The following LMNTD1 variants were observed in gnomAD, a reference collection of about 807,000 sequenced individuals.
The protein encoded by LMNTD1 is lamin tail domain containing 1, also known as lamin tail domain-containing protein 1.
In LMNTD1, 35 loss-of-function variants were observed where a neutral mutation model predicts 50.9. The ratio of observed to expected loss-of-function variants is 0.69; its 90% CI spans 0.53 to 0.91. LMNTD1 has a LOEUF of 0.91. Among genes scored for constraint, LMNTD1 ranks in the 40% least tolerant of loss-of-function variants. LMNTD1 has a pLI of 0.00. For missense variants in LMNTD1, 470 were observed against 475.5 expected, an observed-to-expected ratio of 0.99 and a Z score of 0.11; for synonymous variants, 153 against 161.9, an observed-to-expected ratio of 0.94 and a Z score of 0.42.
chr12:25,503,772 T>C lies in LMNTD1; in HGVS notation c.1218A>G (p.Ser406=), dbSNP rs78120781. The change falls in exon 9 of 10, where the codon TCA becomes TCG. Residue 406 remains serine (S), a synonymous_variant. Transcript: ENST00000458174. ...SGSKKKKTSE[S]QKQ ...TTGAGTTGACTGCTTATTGCTTTTG[T>C]GACTCAGATGTCTTCTTTTTCTTAG... 0.053 allele frequency: 83,686 copies of C among 1,582,434 alleles called. 2,404 individuals carry two copies. The highest frequency in any genetic ancestry group is 0.067 in the Middle Eastern group (365 of 5,412).
At chr12:25,591,383 C>T (rs1346753405) in intron 1 of LMNTD1, among the ~76,000 whole-genome samples, 1 of 152,168 alleles carries the variant, frequency 6.6e-6, no homozygotes. Context: ...TCCATGTGGG[C>T]CTGTGGTGGT....
intron 1 of LMNTD1, among the ~76,000 whole-genome samples, chr12:25,574,861 C>T (rs1049682289): frequency 6.6e-6 from 1 of 152,132 alleles, no homozygotes; most frequent in African/African-American, 2.4e-5. Context: ...AGCTTTGGTA[C>T]AATCTCTACT....
chr12:25,488,617 C>T (rs1210443906), intron 9 of LMNTD1, among the ~76,000 whole-genome samples: 1 of 151,338 alleles, frequency 6.6e-6, no homozygotes, highest in Non-Finnish European at 1.5e-5. Flanking sequence ...TCGTCTGAAG[C>T]CTTCTTCTCT....
intron 1 of LMNTD1, among the ~76,000 whole-genome samples, chr12:25,608,408 A>T (rs1946165704): frequency 1.3e-5 from 2 of 152,096 alleles, no homozygotes; most frequent in South Asian, 4.1e-4. Context: ...CGGTTACTTT[A>T]TGCAGCTTCT....
At chr12:25,615,445 T>C (rs1946334643) in intron 1 of LMNTD1, among the ~76,000 whole-genome samples, 1 of 150,786 alleles carries the variant, frequency 6.6e-6, no homozygotes, top group Non-Finnish European at 1.5e-5. Context: ...ACCATATCCT[T>C]TTTTTAATTT....
intron 1 of LMNTD1, among the ~76,000 whole-genome samples, chr12:25,578,087 A>T (rs546853643): frequency 6.6e-6 from 1 of 152,296 alleles, no homozygotes; most frequent in East Asian, 1.9e-4. Flanking sequence ...GCAGAACACA[A>T]CAGGAAGCAG....
At chr12:25,483,833 C>A (rs1175581259) in intron 9 of LMNTD1, among the ~76,000 whole-genome samples, 2 of 151,616 alleles carry the variant, frequency 1.3e-5, no homozygotes, top group East Asian at 3.9e-4. Flanking sequence ...GGGTAATAAC[C>A]CCAAACAATC....
At chr12:25,554,838 T>A (rs545774879), upstream of LMNTD1, among the ~76,000 whole-genome samples, 1 of 151,778 alleles carries the variant, frequency 6.6e-6, no homozygotes, top group African/African-American at 2.4e-5. Context: ...CCAAAGGGAG[T>A]GAATTACTTG....
chr12:25,547,272 A>G (rs1362683513), intron 3 of LMNTD1: 1 of 553,734 alleles, frequency 1.8e-6, no homozygotes, highest in Non-Finnish European at 2.3e-6. Context: ...CGTGTCTTGC[A>G]TTTAGACAGA....
chr12:25,571,339 T>TTATTTA lies in LMNTD1; in HGVS notation c.59-24786_59-24785insTAAATA, dbSNP rs1555112965. On this transcript the variant is annotated intron_variant, in intron 1 of 7. Coordinates refer to the LMNTD1 transcript ENST00000445693. Reference sequence around the variant, plus strand: ...GGGATTTCTTTTTTCAAAAAAGTATTTTTATTTATTTATTTATTTATTTAT... The same window carrying TTATTTA: ...GGGATTTCTTTTTTCAAAAAAGTATTTATTTATTTATTTATTTATTTATTTATTTAT... Among the ~76,000 whole-genome samples the TTATTTA allele has an allele frequency of 1.8e-3, 271 of 148,784 alleles. 1 individual carries two copies. The highest frequency in any genetic ancestry group is 6.2e-3 in the African/African-American group (249 of 40,376).
At chr12:25,585,938 A>G (rs1263989521) in intron 1 of LMNTD1, 1 of 152,252 alleles carries the variant, frequency 6.6e-6, no homozygotes, top group Non-Finnish European at 1.5e-5. Flanking sequence ...TAAGTCGCAA[A>G]GGATGAACTC....
intron 1 of LMNTD1, among the ~76,000 whole-genome samples, chr12:25,628,770 T>C (rs1016035654): frequency 1.3e-5 from 2 of 152,176 alleles, no homozygotes; most frequent in Admixed American, 6.5e-5. Context: ...AAGGGATGAA[T>C]TCCCCTCGTA....
intron 1 of LMNTD1, among the ~76,000 whole-genome samples, chr12:25,614,207 A>C (rs574982398): frequency 1.9e-4 from 29 of 152,100 alleles, no homozygotes; most frequent in Non-Finnish European, 4.3e-4. Flanking sequence ...TTCCTTGTTA[A>C]GCTTCCTACG....
At chr12:25,645,450 G>A (rs1947048177) in intron 1 of LMNTD1, among the ~76,000 whole-genome samples, 1 of 152,126 alleles carries the variant, frequency 6.6e-6, no homozygotes, top group Non-Finnish European at 1.5e-5. Flanking sequence ...ACTTTGAAAG[G>A]TTACGTTGCT....
At chr12:25,489,681 A>T (rs1037642487) in intron 9 of LMNTD1, among the ~76,000 whole-genome samples, 5 of 152,164 alleles carry the variant, frequency 3.3e-5, no homozygotes, top group African/African-American at 1.2e-4. Context: ...CATTTTAAGT[A>T]GTTATGAAGA....
intron 6 of LMNTD1, among the ~76,000 whole-genome samples, chr12:25,520,800 C>T (rs1249865677): frequency 6.6e-6 from 1 of 152,198 alleles, no homozygotes; most frequent in East Asian, 1.9e-4. Flanking sequence ...AAAGGCTGCA[C>T]CAATCTACAT....
intron 8 of LMNTD1, among the ~76,000 whole-genome samples, chr12:25,504,490 A>G (rs1398485659): frequency 6.6e-6 from 1 of 152,214 alleles, no homozygotes. Context: ...TAGACCAAAG[A>G]TGAGTGTTAT....
intron 1 of LMNTD1, among the ~76,000 whole-genome samples, chr12:25,624,135 A>G (rs1946535420): frequency 6.6e-6 from 1 of 152,204 alleles, no homozygotes; most frequent in African/African-American, 2.4e-5. Flanking sequence ...TATCTTCAAC[A>G]TGTACTGAAA....
chr12:25,478,441 GA>G (rs2135901352), intron 9 of LMNTD1, among the ~76,000 whole-genome samples: 1 of 152,260 alleles, frequency 6.6e-6, no homozygotes, highest in East Asian at 1.9e-4. Context: ...TGATAAAAGA[GA>G]AAGGAAATAA....
Sources: allele counts gnomAD v4.1 joint callset (sites outside exome capture counted in the v4.1 genomes callset), GRCh38; gene constraint gnomAD v4.1.1; transcripts MANE v1.5; gene names NCBI Gene and HGNC (gene_info 2026-07-23, HGNC 2026-07-21).